FHIP1A: variants seen among roughly 807,000 people sequenced by gnomAD.
The protein encoded by FHIP1A is FHF complex subunit HOOK-interacting protein 1A.
In FHIP1A, 61 loss-of-function variants were observed where a neutral mutation model predicts 88.6. That is an observed-to-expected ratio of 0.69 (90% CI 0.56 to 0.85). The LOEUF (loss-of-function observed/expected upper bound fraction) is 0.85, where lower values mean the gene tolerates loss of function less well. Ranked by LOEUF, FHIP1A falls within the 40% of genes least tolerant of loss-of-function variation. FHIP1A has a pLI of 0.00. For missense variants in FHIP1A, 1,154 were observed against 1,273.5 expected (o/e 0.91, Z 1.43); for synonymous variants, 478 against 496.0 (o/e 0.96, Z 0.48).
intron 1 of FHIP1A, among the ~76,000 whole-genome samples, chr4:151,414,323 G>A (rs554640767): frequency 1.3e-5 from 2 of 152,142 alleles, no homozygotes; most frequent in Non-Finnish European, 2.9e-5. Context: ...AAAGGGCTGG[G>A]ATTACAGGCT....
intron 3 of FHIP1A, among the ~76,000 whole-genome samples, chr4:151,558,810 C>T (rs1345641046): frequency 6.6e-6 from 1 of 152,132 alleles, no homozygotes; most frequent in African/African-American, 2.4e-5. Flanking sequence ...TCTAGACTGA[C>T]AAAAACTTTG....
At chr4:151,578,329 C>T (rs1288916262) in intron 5 of FHIP1A, among the ~76,000 whole-genome samples, 1 of 152,142 alleles carries the variant, frequency 6.6e-6, no homozygotes, top group Non-Finnish European at 1.5e-5. Context: ...TTAATTTTTA[C>T]TGCATTAAGA....
chr4:151,604,039 G>C (rs1734975714), intron 7 of FHIP1A, among the ~76,000 whole-genome samples: 1 of 152,134 alleles, frequency 6.6e-6, no homozygotes, highest in Non-Finnish European at 1.5e-5. Flanking sequence ...TACATGCTGT[G>C]TCACAGCCCT....
At chr4:151,454,137 C>A (rs1450872795) in intron 1 of FHIP1A, among the ~76,000 whole-genome samples, 2 of 149,170 alleles carry the variant, frequency 1.3e-5, no homozygotes, top group East Asian at 3.9e-4. Context: ...AGGTATAATA[C>A]AATGTCCTTT....
intron 3 of FHIP1A, among the ~76,000 whole-genome samples, chr4:151,512,162 G>A (rs1042104779): frequency 1.3e-5 from 2 of 152,122 alleles, no homozygotes; most frequent in African/African-American, 4.8e-5. Flanking sequence ...ACCACTGCTG[G>A]TACCCAGGCA....
At chr4:151,630,204 A>G (rs552289546) in intron 8 of FHIP1A, among the ~76,000 whole-genome samples, 1 of 152,298 alleles carries the variant, frequency 6.6e-6, no homozygotes, top group South Asian at 2.1e-4. Flanking sequence ...ATGTGGGCTT[A>G]AGCACAGATA....
chr4:151,429,458 A>G (rs1359964594), intron 1 of FHIP1A, among the ~76,000 whole-genome samples: 3 of 152,254 alleles, frequency 2.0e-5, no homozygotes, highest in East Asian at 1.9e-4. Flanking sequence ...TCCTTATTTC[A>G]TAGCTGCTGT....
At chr4:151,558,240 T>A (rs1962910) in intron 3 of FHIP1A, among the ~76,000 whole-genome samples, 49,318 of 151,996 alleles carry the variant, frequency 0.32, 8,036 homozygotes, top group Non-Finnish European at 0.34. Context: ...AAGCCAATTT[T>A]AGAGTTGTGG....
chr4:151,546,833 A>G (rs1470763143), intron 3 of FHIP1A, among the ~76,000 whole-genome samples: 1 of 152,196 alleles, frequency 6.6e-6, no homozygotes, highest in Non-Finnish European at 1.5e-5. Context: ...CTTTATCTCA[A>G]AAAATGTTTT....
intron 7 of FHIP1A, among the ~76,000 whole-genome samples, chr4:151,624,038 A>G (rs1199950646): frequency 1.3e-5 from 2 of 152,186 alleles, no homozygotes; most frequent in Non-Finnish European, 1.5e-5. Flanking sequence ...TCACACCTGC[A>G]TAAATGTTTG....
rs149065089 is a variant in FHIP1A, at chr4:151,602,776, C to T, written c.978+13850C>T. On this transcript the variant is annotated intron_variant, in intron 7 of 13. Coordinates refer to ENST00000435205, the MANE Select transcript of FHIP1A (RefSeq NM_001109977.3). ...ACAAAATAATGCCGCTTAGTGTGGACTGGCATTCTGGGTAGTGTGGTGATG... is the reference window on the plus strand; with the variant it reads ...ACAAAATAATGCCGCTTAGTGTGGATTGGCATTCTGGGTAGTGTGGTGATG... Among the ~76,000 whole-genome samples, 479 of 152,278 alleles carry T rather than the reference C, an allele frequency of 3.1e-3. 2 individuals carry two copies. The highest frequency in any genetic ancestry group is 0.011 in the African/African-American group (459 of 41,544).
intron 2 of FHIP1A, among the ~76,000 whole-genome samples, chr4:151,467,154 A>G (rs1484091220): frequency 6.6e-6 from 1 of 152,248 alleles, no homozygotes; most frequent in Admixed American, 6.5e-5. Flanking sequence ...CCTATCAAAA[A>G]GTGGGCAAAG....
intron 2 of FHIP1A, among the ~76,000 whole-genome samples, chr4:151,466,035 G>A (rs1322611178): frequency 6.6e-6 from 1 of 152,146 alleles, no homozygotes; most frequent in Non-Finnish European, 1.5e-5. Flanking sequence ...AAGAGAGGAA[G>A]TCAAATTGTC....
At position 151,635,164 on chromosome 4, in the gene FHIP1A, C is replaced by G. The variant is rs116154573; in HGVS notation, c.1147-3513C>G. ...AAGATTAGAGAAGTACAAATCAAAA[C>G]CACAATGAGATATTATCTCATATTC... On this transcript the variant is annotated intron_variant, in intron 8 of 13. Transcript: ENST00000435205. 5.5e-3 allele frequency among the ~76,000 whole-genome samples: 831 copies of G among 151,834 alleles called. 6 individuals carry two copies. The highest frequency in any genetic ancestry group is 0.017 in the Middle Eastern group (5 of 294).
intron 3 of FHIP1A, among the ~76,000 whole-genome samples, chr4:151,558,518 G>C (rs188996567): frequency 1.3e-5 from 2 of 150,952 alleles, no homozygotes; most frequent in Admixed American, 1.3e-4. Flanking sequence ...TGATAACAGA[G>C]CAACATCCTG....
intron 4 of FHIP1A, among the ~76,000 whole-genome samples, chr4:151,574,974 T>TG (rs1733729961): frequency 6.6e-6 from 1 of 152,154 alleles, no homozygotes; most frequent in African/African-American, 2.4e-5. Flanking sequence ...GTTGTTTCCT[T>TG]GGGGCATTTT....
intron 3 of FHIP1A, among the ~76,000 whole-genome samples, chr4:151,565,471 A>G (rs1046736665): frequency 3.9e-5 from 6 of 152,094 alleles, no homozygotes; most frequent in African/African-American, 1.4e-4. Flanking sequence ...TGATTTGTCA[A>G]GGTTACTTGG....
chr4:151,504,904 C>A (rs113319950), intron 3 of FHIP1A, among the ~76,000 whole-genome samples: 1 of 152,186 alleles, frequency 6.6e-6, no homozygotes, highest in African/African-American at 2.4e-5. Flanking sequence ...AGGAGGGAGC[C>A]GCCGCGCCCA....
intron 2 of FHIP1A, among the ~76,000 whole-genome samples, chr4:151,477,424 A>G (rs1729747303): frequency 6.6e-6 from 1 of 152,180 alleles, no homozygotes; most frequent in Non-Finnish European, 1.5e-5. Context: ...TAACATGGGA[A>G]AGTTATTTTA....
Sources: gnomAD v4.1 joint callset for allele counts (sites outside exome capture counted in the v4.1 genomes callset) on GRCh38, gnomAD v4.1.1 for gene constraint, MANE v1.5 for transcripts, NCBI Gene and HGNC (gene_info 2026-07-23, HGNC 2026-07-21) for gene names.